The following ARHGEF11 variants were observed in gnomAD, a reference collection of about 807,000 sequenced individuals.
ARHGEF11 encodes Rho guanine nucleotide exchange factor 11, also known as Rho guanine exchange factor (GEF) 11.
ARHGEF11 carries 55 observed loss-of-function variants against 193.7 expected under a neutral mutation model. The observed-to-expected ratio is 0.28, with a 90% CI of 0.23 to 0.36. The LOEUF is 0.36. Ranked by LOEUF, ARHGEF11 falls within the 10% of genes least tolerant of loss-of-function variation. ARHGEF11 has a pLI of 1.00. For missense variants in ARHGEF11, 1,723 were observed against 2,005.6 expected (o/e 0.86, Z 2.69); for synonymous variants, 693 against 768.0 (o/e 0.90, Z 1.62).
rs1658203110 is a variant in ARHGEF11 at position 156,946,764 on chromosome 1, T to C, written c.2592A>G (p.Glu864=). 6.2e-7 allele frequency: 1 copy of C among 1,613,914 alleles called. No homozygotes were observed. Reference sequence around the variant, plus strand: ...AGAACTGTGCAGCCACTTGCTGGAGTTCCTCTCGGGCAGGGCCATCAAACT... The same window carrying C: ...AGAACTGTGCAGCCACTTGCTGGAGCTCCTCTCGGGCAGGGCCATCAAACT... ...LARFDGPARE[E]LQQVAAQFCS... is the part of the protein sequence containing the mutation. Residue 864 remains glutamate, a synonymous_variant, in exon 28 of 41, where the codon GAA becomes GAG. Coordinates refer to ENST00000368194, the MANE Select transcript of ARHGEF11 (RefSeq NM_198236.3).
intron 1 of ARHGEF11, among the ~76,000 whole-genome samples, chr1:157,035,971 A>G (rs1671936330): frequency 8.0e-6 from 1 of 124,658 alleles, no homozygotes; most frequent in Non-Finnish European, 1.6e-5. Context: ...ATGAATCTAT[A>G]TATAGGAATA....
At chr1:157,040,817 G>C (rs1035529746) in intron 1 of ARHGEF11, among the ~76,000 whole-genome samples, 37 of 152,164 alleles carry the variant, frequency 2.4e-4, no homozygotes, top group African/African-American at 8.9e-4. Context: ...AAAACAATTT[G>C]AAATACATTA....
rs1366306074 is a variant in ARHGEF11, at chr1:157,044,675, G to C, written c.-345C>G. 9.5e-6 allele frequency: 4 copies of C among 423,158 alleles called. No individual in the cohort carries two copies. In the East Asian group the frequency reaches 1.3e-4, roughly 14 times the overall value. The allele number at this position is 423,158 out of a possible 1,614,324, so 26.2% of individuals were successfully genotyped here. Reference sequence around the variant, plus strand: ...GTTAGCACTATGGCCAAAAAAAAATGAATCACAGAAAAATGTGCCTTCAAA... The same window carrying C: ...GTTAGCACTATGGCCAAAAAAAAATCAATCACAGAAAAATGTGCCTTCAAA... On this transcript the variant is annotated 5_prime_UTR_variant, in exon 1 of 41. Transcript: ENST00000368194.
chr1:157,034,232 C>A (rs1416471079), intron 1 of ARHGEF11, among the ~76,000 whole-genome samples: 1 of 152,324 alleles, frequency 6.6e-6, no homozygotes, highest in East Asian at 1.9e-4. Context: ...CCACCTCCCC[C>A]CAGAACAACA....
intron 1 of ARHGEF11, among the ~76,000 whole-genome samples, chr1:156,992,342 C>A (rs926015920): frequency 6.6e-6 from 1 of 152,234 alleles, no homozygotes; most frequent in Non-Finnish European, 1.5e-5. Flanking sequence ...CACACATTCT[C>A]CCCTCCTCCA....
chr1:156,957,217 AT>A (rs1660076441), intron 18 of ARHGEF11, among the ~76,000 whole-genome samples: 1 of 152,088 alleles, frequency 6.6e-6, no homozygotes, highest in African/African-American at 2.4e-5. Context: ...CTCTGTCTGT[AT>A]TTCCCTCTTA....
chr1:157,011,742 T>C (rs993429089), intron 1 of ARHGEF11, among the ~76,000 whole-genome samples: 3 of 152,230 alleles, frequency 2.0e-5, no homozygotes, highest in Non-Finnish European at 2.9e-5. Context: ...TCAATATCAT[T>C]AGTTATTAAG....
At chr1:156,949,269 G>C (rs975072570) in intron 22 of ARHGEF11, among the ~76,000 whole-genome samples, 3 of 152,158 alleles carry the variant, frequency 2.0e-5, no homozygotes, top group Non-Finnish European at 4.4e-5. Context: ...TGATGACTGG[G>C]TGTTGCGGTG....
rs1201114629 is a variant in ARHGEF11 at position 156,947,425 on chromosome 1, G to A, written c.2367C>T (p.His789=). Residue 789 remains histidine, a synonymous_variant, in exon 26 of 41, where the codon CAC becomes CAT. Coordinates refer to ENST00000368194, the MANE Select transcript of ARHGEF11 (RefSeq NM_198236.3). ...GGTCCAGGACCCGGAGTGTGCGCAG[G>A]TGGGAAGCTTCAGTCACAAACAGCT... ...INELFVTEAS[H]LRTLRVLDLI... The A allele has an allele frequency of 1.2e-6, 2 of 1,610,060 alleles. No individual in the cohort carries two copies. Among genetic ancestry groups the A allele is most frequent in the Non-Finnish European group, 1.7e-6 (2 of 1,178,730 alleles).
rs565059242 is a variant in ARHGEF11 at position 156,945,783 on chromosome 1, G to A, written c.2812+262C>T. 3.6e-4 allele frequency: 142 copies of A among 397,312 alleles called. 2 individuals carry two copies. The highest frequency in any genetic ancestry group is 3.5e-3 in the South Asian group (102 of 29,010). The allele number at this position is 397,312 out of a possible 1,614,324, so 24.6% of individuals were successfully genotyped here. A position where few individuals can be genotyped will look rare whatever the true frequency, so the allele number is the denominator to read the frequency against. Reference sequence around the variant, plus strand: ...TGAGTGCCAGCCTGTGTTGGGCACCGGATGCTTTCCTTGGATTTGCACAAA... The same window carrying A: ...TGAGTGCCAGCCTGTGTTGGGCACCAGATGCTTTCCTTGGATTTGCACAAA... On this transcript the variant is annotated intron_variant, in intron 29 of 40. Coordinates refer to ENST00000368194, the MANE Select transcript of ARHGEF11 (RefSeq NM_198236.3).
intron 13 of ARHGEF11, among the ~76,000 whole-genome samples, chr1:156,962,754 C>CT (rs1220896094): frequency 1.3e-5 from 2 of 151,900 alleles, no homozygotes; most frequent in Admixed American, 1.3e-4. Flanking sequence ...TGACGGGCGC[C>CT]TGTAGTCCCA....
chr1:157,039,171 T>C (rs944065380), intron 1 of ARHGEF11, among the ~76,000 whole-genome samples: 3 of 152,188 alleles, frequency 2.0e-5, no homozygotes, highest in Admixed American at 2.0e-4. Flanking sequence ...CTTTTCAAGC[T>C]TTCATTTTCA....
intron 22 of ARHGEF11, 80 bp downstream of exon 22, chr1:156,951,493 G>C (rs1659091372): frequency 6.4e-7 from 1 of 1,566,852 alleles, no homozygotes; most frequent in Non-Finnish European, 8.7e-7. Flanking sequence ...GGGTCAAGTA[G>C]CTGGAATTAA....
intron 10 of ARHGEF11, 65 bp downstream of exon 10, chr1:156,969,217 A>G: frequency 7.3e-7 from 1 of 1,376,558 alleles, no homozygotes; most frequent in Non-Finnish European, 1.0e-6. Context: ...AGGCAGCAGA[A>G]CTTGGGTCAA....
intron 1 of ARHGEF11, among the ~76,000 whole-genome samples, chr1:157,022,671 T>A (rs1670137341): frequency 1.3e-5 from 2 of 152,258 alleles, no homozygotes; most frequent in South Asian, 4.1e-4. Flanking sequence ...GACAAGCTGA[T>A]CCTAAAATTC....
In ARHGEF11 at chr1:157,006,157, T is replaced by A. The variant is rs181261483; in HGVS notation, c.33-19984A>T. Among the ~76,000 whole-genome samples, 12 of 152,114 alleles carry A rather than the reference T, an allele frequency of 7.9e-5. No homozygotes were observed. In the East Asian group the frequency reaches 2.3e-3, roughly 29 times the overall value. On this transcript the variant is annotated intron_variant, in intron 1 of 40. Transcript: ENST00000368194. The stretch of plus-strand genomic sequence containing the variant: ...AATCTATTTTTTTTTTTGGTAGAGA[T>A]AGGGTCTTGCTATGCTGCCCAGCCT...
rs375668144 is a variant in ARHGEF11 at position 156,939,812 on chromosome 1, G to C, written c.3832C>G (p.Pro1278Ala). The change falls in exon 37 of 41, where the codon CCT becomes GCT. Residue 1278 changes from proline to alanine, a missense_variant. Around this residue, in one of 5 missense-constraint regions of ARHGEF11, gnomAD observed 203 missense variants for 237.3 expected, o/e 0.86. Transcript: ENST00000368194. Reference protein sequence around the residue: ...QEPEDDLTPTPSVISVTSHPW... With the variant: ...QEPEDDLTPTASVISVTSHPW... ...TGAGAGGTGACGCTGATGACAGAAGGTGTGGGTGTCAGGTCGTCCTCGGGC... is the reference window on the plus strand; with the variant it reads ...TGAGAGGTGACGCTGATGACAGAAGCTGTGGGTGTCAGGTCGTCCTCGGGC... 16 of 1,613,692 alleles carry C rather than the reference G, an allele frequency of 9.9e-6. No homozygotes were observed. The highest frequency in any genetic ancestry group is 1.3e-5 in the African/African-American group (1 of 74,934).
intron 19 of ARHGEF11, 84 bp from the exon 20 acceptor site, chr1:156,955,883 A>G: frequency 1.9e-6 from 2 of 1,045,092 alleles, no homozygotes; most frequent in Middle Eastern, 2.9e-4. Flanking sequence ...CTGTCCCCCA[A>G]GGCTGGCCCT....
intron 1 of ARHGEF11, among the ~76,000 whole-genome samples, chr1:157,015,328 T>C (rs1669078062): frequency 6.6e-6 from 1 of 152,216 alleles, no homozygotes; most frequent in Non-Finnish European, 1.5e-5. Context: ...CTCTGTCTCA[T>C]TATACGCAGC....
Sources: gnomAD v4.1 joint callset for allele counts (sites outside exome capture counted in the v4.1 genomes callset) on GRCh38, gnomAD v4.1.1 for gene constraint, gnomAD v4.1.1 regional missense constraint, MANE v1.5 for transcripts, NCBI Gene and HGNC (gene_info 2026-07-23, HGNC 2026-07-21) for gene names.